The following PEAK1 variants were observed in gnomAD, a reference collection of about 807,000 sequenced individuals.
PEAK1 encodes pseudopodium enriched atypical kinase 1.
A neutral mutation model predicts 124.7 loss-of-function variants in PEAK1; 54 were observed. The observed-to-expected ratio is 0.43, with a 90% confidence interval of 0.35 to 0.54. PEAK1 has a LOEUF of 0.54. PEAK1 is among the 20% of genes least tolerant of loss of function. PEAK1 has a pLI of 0.01. For synonymous variants in PEAK1, 719 were observed against 760.0 expected (o/e 0.95, Z 0.89); for missense variants, 2,046 against 2,134.5 (o/e 0.96, Z 0.82).
At chr15:77,189,538 G>A (rs1178614811) in intron 6 of PEAK1, among the ~76,000 whole-genome samples, 1 of 152,166 alleles carries the variant, frequency 6.6e-6, no homozygotes, top group Non-Finnish European at 1.5e-5. Context: ...CCCCTCCTCA[G>A]CTCTAAGATG....
chr15:77,158,836 C>A, intron 7 of PEAK1, 140 bp from the exon 8 acceptor site: 1 of 764,266 alleles, frequency 1.3e-6, no homozygotes, highest in Admixed American at 2.6e-5. Flanking sequence ...CAAGGCAGTA[C>A]TTCATTTAGG....
intron 5 of PEAK1, among the ~76,000 whole-genome samples, chr15:77,271,907 G>A (rs1384556148): frequency 6.6e-6 from 1 of 151,910 alleles, no homozygotes; most frequent in East Asian, 1.9e-4. Flanking sequence ...TTGTGCACAT[G>A]TACCCTAGAA....
At chr15:77,351,906 G>C in intron 2 of PEAK1, 2 of 985,398 alleles carry the variant, frequency 2.0e-6, no homozygotes, top group South Asian at 9.4e-5. Flanking sequence ...AGGTAATGAA[G>C]TCTGGTAGAC....
chr15:77,275,534 G>A (rs1030047395), intron 5 of PEAK1, among the ~76,000 whole-genome samples: 17 of 151,942 alleles, frequency 1.1e-4, no homozygotes, highest in African/African-American at 3.6e-4. Flanking sequence ...TGGCTAACAC[G>A]GTGAAATCCC....
Position 77,178,871 on chromosome 15 carries a change from C to T in PEAK1, c.3056G>A (p.Arg1019Lys). 2.5e-6 allele frequency: 4 copies of T among 1,614,154 alleles called. No individual in the cohort carries two copies. Among genetic ancestry groups the T allele is most frequent in the East Asian group, 2.2e-5 (1 of 44,868 alleles). ...TDQAAVMEKG[R>K]AENALLQDSE... ...GTCCTGTAGTAATGCATTCTCTGCT[C>T]TACCCTTCTCCATGACTGCTGCCTG... Residue 1019 changes from arginine to lysine, a missense_variant, in exon 7 of 10, where the codon AGA becomes AAA. By Grantham distance (26) the Arg-to-Lys change is conservative. Coordinates refer to ENST00000682557, the MANE Select transcript of PEAK1 (RefSeq NM_001385026.1).
In PEAK1 at chr15:77,325,671, G is replaced by A. The variant is rs532337663; in HGVS notation, c.-602-39167C>T. Among the ~76,000 whole-genome samples, 52 of 152,100 alleles carry A rather than the reference G, an allele frequency of 3.4e-4. No homozygotes were observed. In the South Asian group the frequency reaches 5.6e-3, roughly 16 times the overall value. On this transcript the variant is annotated intron_variant, in intron 2 of 9. Transcript: ENST00000682557. Reference sequence around the variant, plus strand: ...TTTTGGAACTGATTTTAAAAAAGATGTTTCTGAGGTCTTTGGATTTAGTTT... The same window carrying A: ...TTTTGGAACTGATTTTAAAAAAGATATTTCTGAGGTCTTTGGATTTAGTTT...
At chr15:77,168,776 T>G (rs1477160465) in intron 7 of PEAK1, among the ~76,000 whole-genome samples, 1 of 152,224 alleles carries the variant, frequency 6.6e-6, no homozygotes, top group East Asian at 1.9e-4. Context: ...AAGAAAGGTA[T>G]GTCAAATTCA....
chr15:77,134,198 G>A lies in PEAK1; in HGVS notation c.3332-448C>T, dbSNP rs1194581868. Among the ~76,000 whole-genome samples, 12 of 152,336 alleles carry A rather than the reference G, an allele frequency of 7.9e-5. No homozygotes were observed. In the East Asian group the frequency reaches 2.3e-3, roughly 29 times the overall value. ...TACAAACAGAATTGAAACTAGCAAT[G>A]TGACCATTAGACAGGGGCTCAGAAG... On this transcript the variant is annotated intron_variant, in intron 8 of 9. Coordinates refer to ENST00000682557, the MANE Select transcript of PEAK1 (RefSeq NM_001385026.1).
At chr15:77,157,132 C>G (rs918542223) in intron 8 of PEAK1, 4 of 152,162 alleles carry the variant, frequency 2.6e-5, no homozygotes, top group African/African-American at 9.7e-5. Context: ...TTCTGGCCTT[C>G]TTAGGGACTC....
At chr15:77,245,632 G>C (rs1416821447) in intron 6 of PEAK1, among the ~76,000 whole-genome samples, 1 of 151,986 alleles carries the variant, frequency 6.6e-6, no homozygotes, top group Non-Finnish European at 1.5e-5. Flanking sequence ...CCAGGAGGCA[G>C]AGGCTGCAGT....
intron 6 of PEAK1, among the ~76,000 whole-genome samples, chr15:77,215,770 G>A (rs2059123122): frequency 6.6e-6 from 1 of 152,226 alleles, no homozygotes; most frequent in African/African-American, 2.4e-5. Context: ...GTCTCGTTAT[G>A]TTGCCCCTGC....
Position 77,365,215 on chromosome 15 carries a change from T to C in PEAK1, c.-655A>G, listed in dbSNP as rs984507985. 3.8e-5 allele frequency: 37 copies of C among 983,064 alleles called. 1 individual carries two copies. The Admixed American group carries it at 1.1e-3, about 29-fold the overall frequency. The allele number at this position is 983,064 out of a possible 1,614,324, so 60.9% of individuals were successfully genotyped here. ...AATGTCTACAGCATAAGTTCCAGTT[T>C]GGGCAGATACCTGAATTGTAAAAAA... On this transcript the variant is annotated 5_prime_UTR_variant, in exon 2 of 10. Coordinates refer to ENST00000682557, the MANE Select transcript of PEAK1 (RefSeq NM_001385026.1).
At chr15:77,150,328 T>C (rs2054498767) in intron 8 of PEAK1, among the ~76,000 whole-genome samples, 1 of 152,082 alleles carries the variant, frequency 6.6e-6, no homozygotes, top group South Asian at 2.1e-4. Context: ...TCTGTGACTT[T>C]AGGAAAAGCA....
chr15:77,386,657 G>A (rs774459228), intron 1 of PEAK1, among the ~76,000 whole-genome samples: 2 of 152,164 alleles, frequency 1.3e-5, no homozygotes, highest in Non-Finnish European at 2.9e-5. Context: ...GAGACTCAGA[G>A]ATAGAAGGGC....
chr15:77,406,166 T>C (rs1030640101), intron 1 of PEAK1, among the ~76,000 whole-genome samples: 20 of 152,162 alleles, frequency 1.3e-4, no homozygotes, highest in Non-Finnish European at 2.8e-4. Context: ...TCAGGAACAA[T>C]AGCTGAATTA....
At chr15:77,379,557 G>A (rs559044589) in intron 1 of PEAK1, among the ~76,000 whole-genome samples, 2 of 152,222 alleles carry the variant, frequency 1.3e-5, no homozygotes, top group Admixed American at 1.3e-4. Flanking sequence ...TAGGGTTCCC[G>A]AAATCCAATA....
At chr15:77,348,590 C>G in intron 2 of PEAK1, 1 of 977,452 alleles carries the variant, frequency 1.0e-6, no homozygotes. Flanking sequence ...AAAAAGCAGG[C>G]AGAAAAAGGG....
At chr15:77,197,417 A>C (rs979250371) in intron 6 of PEAK1, among the ~76,000 whole-genome samples, 2 of 152,202 alleles carry the variant, frequency 1.3e-5, no homozygotes, top group Non-Finnish European at 2.9e-5. Flanking sequence ...GACATAATTG[A>C]AAGTCCAAAA....
intron 1 of PEAK1, among the ~76,000 whole-genome samples, chr15:77,377,149 C>A (rs2069094919): frequency 6.6e-6 from 1 of 152,126 alleles, no homozygotes; most frequent in Non-Finnish European, 1.5e-5. Context: ...CTTTGGGAGA[C>A]CAAGGTGAGA....
Sources: allele counts gnomAD v4.1 joint callset (sites outside exome capture counted in the v4.1 genomes callset), GRCh38; gene constraint gnomAD v4.1.1; transcripts MANE v1.5; gene names NCBI Gene and HGNC (gene_info 2026-07-23, HGNC 2026-07-21).